The following PAG1 variants were observed in gnomAD, a reference collection of about 807,000 sequenced individuals.
PAG1 encodes the protein phosphoprotein membrane anchor with glycosphingolipid microdomains 1, also known as phosphoprotein associated with glycosphingolipid-enriched microdomains 1.
In PAG1, 23 loss-of-function variants were observed where a neutral mutation model predicts 31.7. The ratio of observed to expected loss-of-function variants is 0.73; its 90% CI spans 0.52 to 1.03. The LOEUF (loss-of-function observed/expected upper bound fraction) is 1.03. Ranked by LOEUF, PAG1 falls within the 50% of genes least tolerant of loss-of-function variation. PAG1 has a pLI of 0.00. For synonymous variants in PAG1, 214 were observed against 210.3 expected (o/e 1.02, Z -0.15); for missense variants, 473 against 540.7 (o/e 0.87, Z 1.24).
At chr8:81,093,918 C>T (rs963465224) in intron 1 of PAG1, among the ~76,000 whole-genome samples, 1 of 152,174 alleles carries the variant, frequency 6.6e-6, no homozygotes, top group Non-Finnish European at 1.5e-5. Flanking sequence ...GACGTAATGG[C>T]CAGGCTTCAG....
rs1807588082 is a variant in PAG1, at chr8:80,993,089, ACT to A, written c.125+12_125+13del. The A allele has an allele frequency of 6.2e-7, 1 of 1,611,350 alleles. No homozygotes were observed. The highest frequency in any genetic ancestry group is 8.5e-7 in the Non-Finnish European group (1 of 1,178,590). On this transcript the variant is annotated intron_variant, in intron 4 of 8. Coordinates refer to ENST00000220597, the MANE Select transcript of PAG1 (RefSeq NM_018440.4). The stretch of plus-strand genomic sequence containing the variant: ...ATTAGTTTAAGGCACAGGTATATAC[ACT>A]CTGGTTCTCACCTGTCACAACTAGA...
intron 2 of PAG1, among the ~76,000 whole-genome samples, chr8:81,045,518 G>A (rs1808626942): frequency 6.6e-6 from 1 of 152,204 alleles, no homozygotes; most frequent in South Asian, 2.1e-4. Context: ...CCTAGAGCTG[G>A]AAGGAGGGTG....
In PAG1 at chr8:80,973,378, G is replaced by C. The variant is rs1563610375; in HGVS notation, c.*3166C>G. The C allele has an allele frequency of 1.3e-5, 2 of 151,994 alleles. No individual in the cohort carries two copies. Among genetic ancestry groups the C allele is most frequent in the Non-Finnish European group, 2.9e-5 (2 of 67,962 alleles). 9.4% of individuals were successfully genotyped at this position (151,994 alleles called of 1,614,324 possible). A position where few individuals can be genotyped will look rare whatever the true frequency, so the allele number is the denominator to read the frequency against. On this transcript the variant is annotated 3_prime_UTR_variant, in exon 9 of 9. Transcript: ENST00000220597. ...GAAAGTAGACACACTAAAAACATTT[G>C]ACAAATTAAAAAAATTTTGCATAAA...
At chr8:81,078,503 C>CATCT (rs1809212947) in intron 1 of PAG1, among the ~76,000 whole-genome samples, 1 of 151,528 alleles carries the variant, frequency 6.6e-6, no homozygotes, top group South Asian at 2.1e-4. Context: ...CAAAGAGACA[C>CATCT]ATCTATGTTT....
At chr8:80,977,936 G>A (rs1379258612) in intron 8 of PAG1, among the ~76,000 whole-genome samples, 1 of 152,156 alleles carries the variant, frequency 6.6e-6, no homozygotes, top group Non-Finnish European at 1.5e-5. Context: ...CAAATACCCA[G>A]GAAATACATG....
At chr8:81,029,435 C>T (rs2130782919) in intron 3 of PAG1, among the ~76,000 whole-genome samples, 1 of 151,982 alleles carries the variant, frequency 6.6e-6, no homozygotes, top group Non-Finnish European at 1.5e-5. Context: ...AAAACAAGAA[C>T]TTCATGAAGC....
At chr8:81,001,234 AGGAG>A (rs1284673855) in intron 3 of PAG1, among the ~76,000 whole-genome samples, 17 of 152,388 alleles carry the variant, frequency 1.1e-4, no homozygotes, top group South Asian at 8.3e-4. Flanking sequence ...GCTAAGCCCC[AGGAG>A]GGAGGAACTT....
chr8:81,058,870 C>A (rs946584435), intron 2 of PAG1, among the ~76,000 whole-genome samples: 3 of 152,154 alleles, frequency 2.0e-5, no homozygotes, highest in African/African-American at 7.2e-5. Context: ...GCATTCCAAC[C>A]TGGGCAACAG....
chr8:80,996,107 C>T (rs1807667077), intron 3 of PAG1, among the ~76,000 whole-genome samples: 2 of 152,276 alleles, frequency 1.3e-5, no homozygotes, highest in Non-Finnish European at 2.9e-5. Flanking sequence ...CTGCAGTCCT[C>T]AGGGACAAAG....
chr8:81,072,681 C>A (rs1474917215), intron 1 of PAG1, among the ~76,000 whole-genome samples: 1 of 152,134 alleles, frequency 6.6e-6, no homozygotes, highest in East Asian at 1.9e-4. Flanking sequence ...CCAGCCTGGG[C>A]GACAGAGTGA....
At chr8:81,046,908 T>C (rs1444844086) in intron 2 of PAG1, among the ~76,000 whole-genome samples, 3 of 152,182 alleles carry the variant, frequency 2.0e-5, no homozygotes, top group African/African-American at 7.2e-5. Flanking sequence ...TGTGTTCTTA[T>C]TATTCAGCTC....
At chr8:81,046,949 G>T (rs568337274) in intron 2 of PAG1, among the ~76,000 whole-genome samples, 3 of 152,030 alleles carry the variant, frequency 2.0e-5, no homozygotes, top group South Asian at 2.1e-4. Context: ...TTGGTATTTG[G>T]TTTTTTCTTC....
At chr8:81,037,206 GA>G (rs1185860221) in intron 2 of PAG1, 1 of 152,114 alleles carries the variant, frequency 6.6e-6, no homozygotes, top group African/African-American at 2.4e-5. Flanking sequence ...TGAATTCTAG[GA>G]AGCTGAAGAT....
chr8:81,085,595 A>C (rs938818242), intron 1 of PAG1, among the ~76,000 whole-genome samples: 1 of 152,262 alleles, frequency 6.6e-6, no homozygotes, highest in Non-Finnish European at 1.5e-5. Context: ...CTATGTCCAC[A>C]GAAGTAAATT....
chr8:81,043,241 C>A (rs769933046), intron 2 of PAG1, among the ~76,000 whole-genome samples: 1 of 152,016 alleles, frequency 6.6e-6, no homozygotes, highest in Non-Finnish European at 1.5e-5. Context: ...TAGTAAATGT[C>A]CAGTTTTGGT....
chr8:81,058,600 G>A (rs1808866441), intron 2 of PAG1: 1 of 148,598 alleles, frequency 6.7e-6, no homozygotes, highest in Admixed American at 6.7e-5. Context: ...TTTTAAAGCT[G>A]GTGTTAGAAA....
At chr8:81,065,974 A>G (rs1198614619) in intron 2 of PAG1, among the ~76,000 whole-genome samples, 1 of 151,498 alleles carries the variant, frequency 6.6e-6, no homozygotes, top group African/African-American at 2.4e-5. Flanking sequence ...ACAAGTACAT[A>G]GGGTTATTCC....
chr8:81,067,585 T>A (rs1191268590), intron 2 of PAG1: 1 of 152,238 alleles, frequency 6.6e-6, no homozygotes, highest in East Asian at 1.9e-4. Flanking sequence ...ATTAACCTCG[T>A]CTTTGTGAGC....
intron 7 of PAG1, among the ~76,000 whole-genome samples, chr8:80,982,663 C>G (rs149834064): frequency 6.6e-6 from 1 of 152,340 alleles, no homozygotes; most frequent in Non-Finnish European, 1.5e-5. Flanking sequence ...ATCGGTATCT[C>G]AAGTTGAACG....
Sources: gnomAD v4.1 joint callset for allele counts (sites outside exome capture counted in the v4.1 genomes callset) on GRCh38, gnomAD v4.1.1 for gene constraint, MANE v1.5 for transcripts, NCBI Gene and HGNC (gene_info 2026-07-23, HGNC 2026-07-21) for gene names.